Variants in RHOBTB2 observed in about 807,000 individuals in gnomAD.
RHOBTB2 encodes the protein rho-related BTB domain-containing protein 2.
A neutral mutation model predicts 66.5 loss-of-function variants in RHOBTB2; 39 were observed. The ratio of observed to expected loss-of-function variants is 0.59; its 90% CI spans 0.45 to 0.77. The LOEUF (loss-of-function observed/expected upper bound fraction) is 0.77. RHOBTB2 is among the 30% of genes least tolerant of loss of function. The probability of loss-of-function intolerance (pLI) is 0.00; values close to 1 mark genes in which losing one functional copy is unlikely to be tolerated. For synonymous variants in RHOBTB2, 390 were observed against 395.0 expected (o/e 0.99, Z 0.15); for missense variants, 755 against 999.1 (o/e 0.76, Z 3.29).
In RHOBTB2 at chr8:23,006,530, G is replaced by C. The variant is rs1810954074; in HGVS notation, c.483-198G>C. On this transcript the variant is annotated intron_variant, in intron 4 of 9. Transcript: ENST00000251822. This position sits in a 1 kb window ranked among gnomAD's most constrained non-coding sequence, Gnocchi z 6.1. ...GGGGAGGTCACTGGGGCCTGGCATA[G>C]TAGGGAAAGCTTTCTGGAAGAAAAA... The C allele has an allele frequency of 1.6e-6, 1 of 612,322 alleles. No individual in the cohort carries two copies. Among genetic ancestry groups the C allele is most frequent in the South Asian group, 2.1e-5 (1 of 48,674 alleles). The allele number at this position is 612,322 out of a possible 1,614,324, so 37.9% of individuals were successfully genotyped here. A position where few individuals can be genotyped will look rare whatever the true frequency, so the allele number is the denominator to read the frequency against.
chr8:23,016,376 T>C (rs1403103182), intron 9 of RHOBTB2, among the ~76,000 whole-genome samples: 1 of 152,188 alleles, frequency 6.6e-6, no homozygotes, highest in African/African-American at 2.4e-5. Context: ...CCCCGATCTC[T>C]CCTTTTCACT....
At chr8:23,002,220 G>A (rs1810805478) in intron 1 of RHOBTB2, among the ~76,000 whole-genome samples, 1 of 152,168 alleles carries the variant, frequency 6.6e-6, no homozygotes, top group African/African-American at 2.4e-5. Context: ...TTTTGTATTT[G>A]GGATTATATC....
the RHOBTB2 span, among the ~76,000 whole-genome samples, chr8:22,978,573 CT>C: frequency 0.014 from 1,875 of 138,490 alleles, 25 homozygotes; most frequent in African/African-American, 0.039. Context: ...ATTTATTGTA[CT>C]TTTTTTTTTT....
the RHOBTB2 span, among the ~76,000 whole-genome samples, chr8:22,974,648 C>G: frequency 6.6e-6 from 1 of 152,188 alleles, no homozygotes; most frequent in African/African-American, 2.4e-5. Flanking sequence ...CAGGTTGCAT[C>G]CTGGGTCTAT....
the RHOBTB2 span, among the ~76,000 whole-genome samples, chr8:22,952,854 G>A: frequency 6.6e-6 from 1 of 152,088 alleles, no homozygotes; most frequent in African/African-American, 2.4e-5. Flanking sequence ...GCAGTGAGCC[G>A]AGATTGCACC....
Position 22,999,587 on chromosome 8 carries a change from C to T in RHOBTB2, c.-529C>T. On this transcript the variant is annotated 5_prime_UTR_variant, in exon 1 of 10. Coordinates refer to ENST00000251822, the MANE Select transcript of RHOBTB2 (RefSeq NM_015178.3). The stretch of plus-strand genomic sequence containing the variant: ...CTGTCGTCTTGGGTGCGATTTTTTT[C>T]TCCTCCTTTTTTTACCCTCCCGTTT... 4 of 1,226,048 alleles carry T rather than the reference C, an allele frequency of 3.3e-6. No homozygotes were observed. The highest frequency in any genetic ancestry group is 4.1e-6 in the Non-Finnish European group (4 of 964,970). 75.9% of individuals were successfully genotyped at this position (1,226,048 alleles called of 1,614,324 possible). A position where few individuals can be genotyped will look rare whatever the true frequency, so the allele number is the denominator to read the frequency against.
At chr8:22,996,767 A>C (rs1403619923), upstream of RHOBTB2, among the ~76,000 whole-genome samples, 1 of 151,960 alleles carries the variant, frequency 6.6e-6, no homozygotes, top group Non-Finnish European at 1.5e-5. Flanking sequence ...CCGGGTGCTA[A>C]CAGCTGGGGA....
chr8:23,017,127 T>A lies in RHOBTB2; in HGVS notation c.1967-125T>A. 3 of 1,247,728 alleles carry A rather than the reference T, an allele frequency of 2.4e-6. No homozygotes were observed. Among genetic ancestry groups the A allele is most frequent in the Middle Eastern group, 4.9e-4 (2 of 4,068 alleles). 77.3% of individuals were successfully genotyped at this position (1,247,728 alleles called of 1,614,324 possible). A position where few individuals can be genotyped will look rare whatever the true frequency, so the allele number is the denominator to read the frequency against. On this transcript the variant is annotated intron_variant, in intron 9 of 9. Coordinates refer to ENST00000251822, the MANE Select transcript of RHOBTB2 (RefSeq NM_015178.3). This position sits in a 1 kb window ranked among gnomAD's most constrained non-coding sequence, Gnocchi z 5.3. Reference sequence around the variant, plus strand: ...TCGGAGGCTCATGTGCCGTGGGTCATGGGGATGTGCTGGGGGCTGGGCTGG... The same window carrying A: ...TCGGAGGCTCATGTGCCGTGGGTCAAGGGGATGTGCTGGGGGCTGGGCTGG...
At chr8:23,014,874 G>A (rs1045287027) in intron 8 of RHOBTB2, 96 bp downstream of exon 8, 10 of 959,028 alleles carry the variant, frequency 1.0e-5, no homozygotes, top group African/African-American at 3.2e-5. Flanking sequence ...TGGTCTATGC[G>A]GGAGAACCTG....
the RHOBTB2 span, among the ~76,000 whole-genome samples, chr8:22,956,243 C>T: frequency 6.6e-6 from 1 of 152,160 alleles, no homozygotes; most frequent in African/African-American, 2.4e-5. Context: ...CAAGTTTTCC[C>T]GTTATTGTCT....
the RHOBTB2 span, among the ~76,000 whole-genome samples, chr8:22,967,917 G>T: frequency 5.3e-5 from 8 of 152,142 alleles, no homozygotes; most frequent in Non-Finnish European, 1.0e-4. Context: ...AGCACTTTGG[G>T]AGGCTGAGGC....
At chr8:22,981,537 T>G in the RHOBTB2 span, among the ~76,000 whole-genome samples, 2 of 152,116 alleles carry the variant, frequency 1.3e-5, no homozygotes, top group Admixed American at 1.3e-4. Flanking sequence ...CCAAACAGAT[T>G]CATTTGAATA....
At chr8:22,993,459 G>A (rs970645213) in intron 2 of RHOBTB2, among the ~76,000 whole-genome samples, 2 of 152,210 alleles carry the variant, frequency 1.3e-5, no homozygotes, top group Non-Finnish European at 2.9e-5. Flanking sequence ...GCTTATGTCT[G>A]TGAGGGGGAG....
chr8:23,003,798 G>A (rs1810859314), intron 1 of RHOBTB2, among the ~76,000 whole-genome samples: 1 of 152,234 alleles, frequency 6.6e-6, no homozygotes, highest in African/African-American at 2.4e-5. Context: ...GAGAGGCTGG[G>A]AGGAAAAACT....
At chr8:23,010,488 T>A in intron 6 of RHOBTB2, 50 bp from the exon 7 acceptor site, 1 of 1,575,686 alleles carries the variant, frequency 6.3e-7, no homozygotes, top group South Asian at 1.2e-5. Flanking sequence ...TCAGTTCATC[T>A]TCTCCTAAGC....
chr8:22,993,779 A>G (rs558509052), intron 2 of RHOBTB2, among the ~76,000 whole-genome samples: 3 of 152,218 alleles, frequency 2.0e-5, no homozygotes, highest in Admixed American at 1.3e-4. Flanking sequence ...CACAGTGCCA[A>G]TAACCTCCAG....
upstream of RHOBTB2, among the ~76,000 whole-genome samples, chr8:22,986,909 T>C (rs1810298925): frequency 6.6e-6 from 1 of 152,254 alleles, no homozygotes; most frequent in African/African-American, 2.4e-5. Context: ...GTTTGTTTTC[T>C]ACCTGTGTGC....
rs959712849 is a variant in RHOBTB2, at chr8:23,017,886, A to G, written c.*417A>G. ...CTCGAGGGTCCTGCCCCTGTTGGCCATATCTTTCCACCGACGGACTTGAGT... is the reference window on the plus strand; with the variant it reads ...CTCGAGGGTCCTGCCCCTGTTGGCCGTATCTTTCCACCGACGGACTTGAGT... On this transcript the variant is annotated 3_prime_UTR_variant, in exon 10 of 10. Transcript: ENST00000251822. This position sits in a 1 kb window ranked among gnomAD's most constrained non-coding sequence, Gnocchi z 5.3. 2.8e-4 allele frequency: 53 copies of G among 187,686 alleles called. No homozygotes were observed. The highest frequency in any genetic ancestry group is 1.2e-3 in the African/African-American group (50 of 43,116). The allele number at this position is 187,686 out of a possible 1,614,324, so 11.6% of individuals were successfully genotyped here.
intron 2 of RHOBTB2, among the ~76,000 whole-genome samples, chr8:22,993,606 C>T (rs906123549): frequency 6.6e-6 from 1 of 152,228 alleles, no homozygotes; most frequent in Non-Finnish European, 1.5e-5. Context: ...AAGGTTCTTG[C>T]TCAAAGTCAC....
Sources: gnomAD v4.1 joint callset for allele counts (sites outside exome capture counted in the v4.1 genomes callset) on GRCh38, gnomAD v4.1.1 for gene constraint, Gnocchi (gnomAD v3.1) non-coding constraint, MANE v1.5 for transcripts, NCBI Gene and HGNC (gene_info 2026-07-23, HGNC 2026-07-21) for gene names.